Variants in HTATIP2 observed in about 807,000 individuals in gnomAD.
HTATIP2 encodes the protein protein HTATIP2.
In HTATIP2, 26 loss-of-function variants were observed where a neutral mutation model predicts 24.7. The observed-to-expected ratio is 1.05, with a 90% CI of 0.77 to 1.46. HTATIP2 has a LOEUF of 1.46. Among genes scored for constraint, HTATIP2 ranks in the 40% most tolerant of loss-of-function variants. The pLI, the probability that HTATIP2 is intolerant of heterozygous loss-of-function variation, is 0.00. For missense variants in HTATIP2, 284 were observed against 289.6 expected, an observed-to-expected ratio of 0.98 and a Z score of 0.14; for synonymous variants, 99 against 113.2, an observed-to-expected ratio of 0.87 and a Z score of 0.79.
chr11:20,370,210 G>C (rs1379058491), intron 2 of HTATIP2, among the ~76,000 whole-genome samples: 4 of 152,156 alleles, frequency 2.6e-5, no homozygotes, highest in Non-Finnish European at 5.9e-5. Flanking sequence ...CTGTGGTCCT[G>C]GATAACCTTT....
chr11:20,366,628 G>A (rs913138463), intron 1 of HTATIP2, among the ~76,000 whole-genome samples: 1 of 152,044 alleles, frequency 6.6e-6, no homozygotes, highest in African/African-American at 2.4e-5. Flanking sequence ...ATTGGTGTGG[G>A]ATGTAGGAAT....
intron 4 of HTATIP2, among the ~76,000 whole-genome samples, chr11:20,382,691 A>G (rs1449918315): frequency 6.6e-6 from 1 of 152,158 alleles, no homozygotes; most frequent in African/African-American, 2.4e-5. Context: ...CAGTGTCCTC[A>G]CATGGCCTTT....
At chr11:20,377,613 A>G (rs1848464573) in intron 3 of HTATIP2, among the ~76,000 whole-genome samples, 1 of 152,234 alleles carries the variant, frequency 6.6e-6, no homozygotes, top group Non-Finnish European at 1.5e-5. Context: ...TCATTCAGCC[A>G]TAGACTTTTC....
Position 20,363,741 on chromosome 11 carries a change from C to A in HTATIP2, c.-497C>A. On this transcript the variant is annotated 5_prime_UTR_variant, in exon 1 of 5. Coordinates refer to ENST00000451739, the MANE Select transcript of HTATIP2 (RefSeq NM_001098522.2). ...CGTCGCCGCGAGGCCACCCGGAAGA[C>A]CAAGCCGGGTAGGCGCTGTCTCCGT... 1 of 1,233,938 alleles carries A rather than the reference C, an allele frequency of 8.1e-7. No homozygotes were observed. The highest frequency in any genetic ancestry group is 1.0e-6 in the Non-Finnish European group (1 of 986,386). 76.4% of individuals were successfully genotyped at this position (1,233,938 alleles called of 1,614,324 possible).
rs1022687239 is a variant in HTATIP2, at chr11:20,376,342, C to T, written c.304-238C>T. The T allele has an allele frequency of 1.8e-5, 9 of 498,994 alleles. No homozygotes were observed. The African/African-American group carries it at 1.8e-4, about 10-fold the overall frequency. The allele number at this position is 498,994 out of a possible 1,614,324, so 30.9% of individuals were successfully genotyped here. A position where few individuals can be genotyped will look rare whatever the true frequency, so the allele number is the denominator to read the frequency against. On this transcript the variant is annotated intron_variant, in intron 2 of 4. Coordinates refer to ENST00000451739, the MANE Select transcript of HTATIP2 (RefSeq NM_001098522.2). ...TTGTTTGGTGTCTGTGTTTCAATGTCATTGTCCTTGTTTCCTTATTGCAGT... is the reference window on the plus strand; with the variant it reads ...TTGTTTGGTGTCTGTGTTTCAATGTTATTGTCCTTGTTTCCTTATTGCAGT...
At chr11:20,377,415 T>C (rs1848462336) in intron 3 of HTATIP2, among the ~76,000 whole-genome samples, 1 of 152,208 alleles carries the variant, frequency 6.6e-6, no homozygotes. Flanking sequence ...CGTTTTATCT[T>C]TTAAAAATTT....
At position 20,363,758 on chromosome 11, in the gene HTATIP2, T is replaced by G; in HGVS notation, c.-480T>G. The stretch of plus-strand genomic sequence containing the variant: ...CCGGAAGACCAAGCCGGGTAGGCGC[T>G]GTCTCCGTCGCCTCCAACCCCCCCG... On this transcript the variant is annotated 5_prime_UTR_variant, in exon 1 of 5. Transcript: ENST00000451739. 1 of 1,236,974 alleles carries G rather than the reference T, an allele frequency of 8.1e-7. No individual in the cohort carries two copies. Among genetic ancestry groups the G allele is most frequent in the Non-Finnish European group, 1.0e-6 (1 of 986,860 alleles). The allele number at this position is 1,236,974 out of a possible 1,614,324, so 76.6% of individuals were successfully genotyped here. A position where few individuals can be genotyped will look rare whatever the true frequency, so the allele number is the denominator to read the frequency against.
intron 2 of HTATIP2, among the ~76,000 whole-genome samples, chr11:20,370,174 C>T (rs1469957409): frequency 1.3e-5 from 2 of 152,166 alleles, no homozygotes; most frequent in African/African-American, 4.8e-5. Flanking sequence ...TGTATTAATT[C>T]CCCTCACTTG....
At chr11:20,378,262 T>G (rs1848472380) in intron 3 of HTATIP2, among the ~76,000 whole-genome samples, 2 of 152,042 alleles carry the variant, frequency 1.3e-5, no homozygotes, top group African/African-American at 4.8e-5. Flanking sequence ...AAGTTTCCAC[T>G]TAATTGTCAG....
intron 2 of HTATIP2, among the ~76,000 whole-genome samples, chr11:20,375,026 G>A (rs1452083837): frequency 1.3e-5 from 2 of 152,038 alleles, no homozygotes; most frequent in Non-Finnish European, 2.9e-5. Context: ...GAGGGTGGGG[G>A]ATAAAAAAGG....
chr11:20,376,852 C>A, intron 3 of HTATIP2, 135 bp downstream of exon 3: 1 of 582,792 alleles, frequency 1.7e-6, no homozygotes, highest in Non-Finnish European at 2.8e-6. Flanking sequence ...TACGGGACTG[C>A]AGGAATATAT....
Position 20,367,543 on chromosome 11 carries a change from G to A in HTATIP2, c.303+262G>A, listed in dbSNP as rs1400326788. The A allele has an allele frequency of 7.7e-6, 11 of 1,426,404 alleles. No homozygotes were observed. In the South Asian group the frequency reaches 9.4e-5, roughly 12 times the overall value. The allele number at this position is 1,426,404 out of a possible 1,614,324, so 88.4% of individuals were successfully genotyped here. On this transcript the variant is annotated intron_variant, in intron 2 of 4. Coordinates refer to ENST00000451739, the MANE Select transcript of HTATIP2 (RefSeq NM_001098522.2). ...CATGATTTTGCCTATTGTGATTATC[G>A]CTATCACTACATCCCCTGACTAAGG... is the stretch of plus-strand genomic sequence containing the variant.
chr11:20,365,736 C>A (rs2064693836), intron 1 of HTATIP2, among the ~76,000 whole-genome samples: 1 of 151,984 alleles, frequency 6.6e-6, no homozygotes, highest in African/African-American at 2.4e-5. Context: ...CTTTGGGAGT[C>A]CGAGGCAGGG....
rs67369711 is a variant in HTATIP2 at position 20,364,982 on chromosome 11, G to GTTT, written c.195+565_195+567dup. Among the ~76,000 whole-genome samples the GTTT allele has an allele frequency of 4.3e-4, 60 of 138,572 alleles. 1 individual carries two copies. Among genetic ancestry groups the GTTT allele is most frequent in the Non-Finnish European group, 6.9e-4 (45 of 64,878 alleles). The allele number at this position is 138,572 out of a possible 152,430, so 90.9% of individuals were successfully genotyped here. ...ATATTCCCTTCACTCTAAGTTAAAG[G>GTTT]TTTTTTTTTTTTTTTTTCTGAGACG... On this transcript the variant is annotated intron_variant, in intron 1 of 4. Coordinates refer to ENST00000451739, the MANE Select transcript of HTATIP2 (RefSeq NM_001098522.2).
At chr11:20,368,270 A>T (rs137938883) in intron 2 of HTATIP2, among the ~76,000 whole-genome samples, 2,380 of 152,274 alleles carry the variant, frequency 0.016, 69 homozygotes, top group African/African-American at 0.054. Context: ...TTCACCTGAA[A>T]CATTAAGGGA....
chr11:20,368,771 T>C (rs1299778962), intron 2 of HTATIP2, among the ~76,000 whole-genome samples: 1 of 152,228 alleles, frequency 6.6e-6, no homozygotes, highest in Non-Finnish European at 1.5e-5. Context: ...TAAACTGCTT[T>C]TTGTGTTCAA....
chr11:20,370,263 A>G (rs1462672551), intron 2 of HTATIP2, among the ~76,000 whole-genome samples: 1 of 152,218 alleles, frequency 6.6e-6, no homozygotes, highest in Non-Finnish European at 1.5e-5. Context: ...GAAGATTGAA[A>G]TAGCCTTTGA....
chr11:20,383,081 C>T lies in HTATIP2; in HGVS notation c.605C>T (p.Pro202Leu), dbSNP rs1338726864. The T allele has an allele frequency of 1.2e-6, 2 of 1,613,610 alleles. No individual in the cohort carries two copies. The highest frequency in any genetic ancestry group is 2.7e-5 in the African/African-American group (2 of 74,748). ...PDSWASGHSV[P>L]VVTVVRAMLN... The stretch of plus-strand genomic sequence containing the variant: ...TCTTGGGCCAGTGGGCATTCTGTGC[C>T]TGTGGTGACCGTGGTTAGAGCAATG... The change falls in exon 5 of 5, where the codon CCT becomes CTT. Residue 202 changes from proline (P) to leucine (L), a missense_variant. Coordinates refer to ENST00000451739, the MANE Select transcript of HTATIP2 (RefSeq NM_001098522.2).
chr11:20,382,967 T>A lies in HTATIP2; in HGVS notation c.504-13T>A, dbSNP rs1263218826. ...CTCTGCTTTTCTTTCTTTTTTTTTT[T>A]TTTTTATTTTAGAGTTCTGTTATGT... On this transcript the variant is annotated splice_polypyrimidine_tract_variant and intron_variant, in intron 4 of 4. Transcript: ENST00000451739. 5 of 1,571,674 alleles carry A rather than the reference T, an allele frequency of 3.2e-6. No individual in the cohort carries two copies. Among genetic ancestry groups the A allele is most frequent in the Non-Finnish European group, 4.3e-6 (5 of 1,163,402 alleles).
Sources: allele counts gnomAD v4.1 joint callset (sites outside exome capture counted in the v4.1 genomes callset), GRCh38; gene constraint gnomAD v4.1.1; transcripts MANE v1.5; gene names NCBI Gene and HGNC (gene_info 2026-07-23, HGNC 2026-07-21).